The following SH3RF3 variants were observed in gnomAD, a reference collection of about 807,000 sequenced individuals.
The protein encoded by SH3RF3 is SH3 domain containing ring finger 3, also known as E3 ubiquitin-protein ligase SH3RF3.
A neutral mutation model predicts 66.3 loss-of-function variants in SH3RF3; 29 were observed. That is an observed-to-expected ratio of 0.44 (90% confidence interval 0.33 to 0.60). The LOEUF is 0.60. SH3RF3 is among the 20% of genes least tolerant of loss of function. SH3RF3 has a pLI of 0.04. For synonymous variants in SH3RF3, 583 were observed against 532.0 expected (o/e 1.10, Z -1.32); for missense variants, 1,194 against 1,190.9 (o/e 1.00, Z -0.04).
rs1332365360 is a variant in SH3RF3, at chr2:109,240,981, T to C, written c.574-106693T>C. 2.0e-5 allele frequency among the ~76,000 whole-genome samples: 3 copies of C among 151,678 alleles called. 1 individual carries two copies. The highest frequency in any genetic ancestry group is 7.3e-5 in the African/African-American group (3 of 41,260). ...TAATCCACATCCAAACAAGTCCACATCTCCCCAAAAACTCCATGCCTCCCT... is the reference window on the plus strand; with the variant it reads ...TAATCCACATCCAAACAAGTCCACACCTCCCCAAAAACTCCATGCCTCCCT... On this transcript the variant is annotated intron_variant, in intron 1 of 9. Transcript: ENST00000309415.
intron 1 of SH3RF3, among the ~76,000 whole-genome samples, chr2:109,145,487 C>A (rs1012848696): frequency 2.0e-5 from 3 of 152,186 alleles, no homozygotes; most frequent in Non-Finnish European, 2.9e-5. Flanking sequence ...ATGCCGCCTC[C>A]TTTCTCATCT....
intron 4 of SH3RF3, among the ~76,000 whole-genome samples, chr2:109,402,670 G>A (rs972479695): frequency 6.6e-6 from 1 of 152,212 alleles, no homozygotes; most frequent in African/African-American, 2.4e-5. Flanking sequence ...TGACTGACAG[G>A]ATGAATTCTT....
intron 1 of SH3RF3, among the ~76,000 whole-genome samples, chr2:109,307,519 C>T (rs1681626384): frequency 6.7e-6 from 1 of 148,584 alleles, no homozygotes; most frequent in Non-Finnish European, 1.5e-5. Context: ...GTGTGCTGCA[C>T]CCACTAACTC....
chr2:109,221,818 C>T (rs1679250840), intron 1 of SH3RF3, among the ~76,000 whole-genome samples: 1 of 152,024 alleles, frequency 6.6e-6, no homozygotes, highest in Non-Finnish European at 1.5e-5. Flanking sequence ...AAAACGAAAA[C>T]TAGAACTATC....
intron 3 of SH3RF3, among the ~76,000 whole-genome samples, chr2:109,372,543 C>T (rs969768138): frequency 1.3e-5 from 2 of 152,248 alleles, no homozygotes; most frequent in Admixed American, 6.5e-5. Context: ...TTCTCAGCAA[C>T]ACTGGCATAT....
At position 109,484,955 on chromosome 2, in the gene SH3RF3, G is replaced by A. The variant is rs147111432; in HGVS notation, c.2149-5650G>A. ...TGTACCTGGTGGAGTTAAAGTGTAC[G>A]ATTGTGTTCAATCCTTTATTCCCAA... On this transcript the variant is annotated intron_variant, in intron 8 of 9. Transcript: ENST00000309415. 4.1e-3 allele frequency among the ~76,000 whole-genome samples: 632 copies of A among 152,318 alleles called. 2 individuals carry two copies. Among genetic ancestry groups the A allele is most frequent in the African/African-American group, 0.013 (553 of 41,570 alleles).
At chr2:109,480,785 C>T (rs1443819926) in intron 8 of SH3RF3, among the ~76,000 whole-genome samples, 1 of 152,186 alleles carries the variant, frequency 6.6e-6, no homozygotes, top group Non-Finnish European at 1.5e-5. Context: ...GGCACAGGGA[C>T]CTGGGACATT....
chr2:109,292,370 A>G (rs1014537501), intron 1 of SH3RF3, among the ~76,000 whole-genome samples: 2 of 152,338 alleles, frequency 1.3e-5, no homozygotes, highest in East Asian at 3.9e-4. Context: ...TCATATAAAC[A>G]TGAAGTTTTG....
chr2:109,197,789 G>A (rs897165131), intron 1 of SH3RF3, among the ~76,000 whole-genome samples: 1 of 152,332 alleles, frequency 6.6e-6, no homozygotes, highest in African/African-American at 2.4e-5. Flanking sequence ...AGCCTGGCAT[G>A]AAATAGCAAA....
In SH3RF3 at chr2:109,161,040, G is replaced by A. The variant is rs1265758468; in HGVS notation, c.573+30927G>A. ...CTTGGATGTGAAGGCTGTGAGAGATGGAGAGGCAGAAGTAGGTGAGGGTGC... is the reference window on the plus strand; with the variant it reads ...CTTGGATGTGAAGGCTGTGAGAGATAGAGAGGCAGAAGTAGGTGAGGGTGC... On this transcript the variant is annotated intron_variant, in intron 1 of 9. Transcript: ENST00000309415. Among the ~76,000 whole-genome samples the A allele has an allele frequency of 2.6e-5, 4 of 152,274 alleles. No individual in the cohort carries two copies. In the South Asian group the frequency reaches 8.3e-4, roughly 32 times the overall value.
In SH3RF3 at chr2:109,484,026, T is replaced by C. The variant is rs557625957; in HGVS notation, c.2149-6579T>C. On this transcript the variant is annotated intron_variant, in intron 8 of 9. Coordinates refer to ENST00000309415, the MANE Select transcript of SH3RF3 (RefSeq NM_001099289.3). ...CACCAGACAACCCCAGCCTCCTCAG[T>C]TGGCCCTAGAGGCACCAAGGTGTGC... Among the ~76,000 whole-genome samples, 11 of 150,776 alleles carry C rather than the reference T, an allele frequency of 7.3e-5. No individual in the cohort carries two copies. In the South Asian group the frequency reaches 2.1e-3, roughly 29 times the overall value.
intron 5 of SH3RF3, among the ~76,000 whole-genome samples, chr2:109,421,962 C>A (rs1676894883): frequency 6.6e-6 from 1 of 152,208 alleles, no homozygotes; most frequent in South Asian, 2.1e-4. Context: ...ATTTTATCCC[C>A]AGAGAGGAAA....
At chr2:109,233,674 A>G (rs1302499724) in intron 1 of SH3RF3, among the ~76,000 whole-genome samples, 1 of 152,112 alleles carries the variant, frequency 6.6e-6, no homozygotes, top group Non-Finnish European at 1.5e-5. Context: ...TCACCACCAC[A>G]CTCAAGATGC....
chr2:109,484,118 G>C (rs1278037760), intron 8 of SH3RF3, among the ~76,000 whole-genome samples: 1 of 149,804 alleles, frequency 6.7e-6, no homozygotes, highest in Admixed American at 6.7e-5. Flanking sequence ...TCCTAGGCTG[G>C]AGTGCAGTGG....
Position 109,151,672 on chromosome 2 carries a change from G to A in SH3RF3, c.573+21559G>A, listed in dbSNP as rs117781031. On this transcript the variant is annotated intron_variant, in intron 1 of 9. Coordinates refer to ENST00000309415, the MANE Select transcript of SH3RF3 (RefSeq NM_001099289.3). ...CAGTACATCTGAGGTCACACTTCCC[G>A]GTTTCCAGGGCCCAGTAGGCATGTG... Among the ~76,000 whole-genome samples the A allele has an allele frequency of 7.8e-3, 1,194 of 152,330 alleles. 13 individuals carry two copies. Among genetic ancestry groups the A allele is most frequent in the East Asian group, 0.034 (174 of 5,190 alleles).
intron 8 of SH3RF3, among the ~76,000 whole-genome samples, chr2:109,489,495 G>T (rs973602363): frequency 6.6e-6 from 1 of 152,222 alleles, no homozygotes; most frequent in Admixed American, 6.5e-5. Context: ...CCACTTAGAA[G>T]AGCTGGGGGA....
At chr2:109,172,549 C>G (rs962780855) in intron 1 of SH3RF3, among the ~76,000 whole-genome samples, 1 of 152,196 alleles carries the variant, frequency 6.6e-6, no homozygotes, top group Non-Finnish European at 1.5e-5. Flanking sequence ...CGTCCTAGCT[C>G]TTGTTATTCC....
chr2:109,350,185 G>A (rs1482537869), intron 2 of SH3RF3, among the ~76,000 whole-genome samples: 3 of 152,192 alleles, frequency 2.0e-5, no homozygotes, highest in African/African-American at 4.8e-5. Flanking sequence ...GGCATGTGGG[G>A]TGGGGGTAGC....
intron 1 of SH3RF3, 134 bp from the exon 2 acceptor site, chr2:109,347,540 C>T (rs1357578527): frequency 1.6e-6 from 2 of 1,216,260 alleles, no homozygotes; most frequent in African/African-American, 3.1e-5. Context: ...AAATATTTTC[C>T]ACTTGCGGGG....
Sources: gnomAD v4.1 joint callset for allele counts (sites outside exome capture counted in the v4.1 genomes callset) on GRCh38, gnomAD v4.1.1 for gene constraint, MANE v1.5 for transcripts, NCBI Gene and HGNC (gene_info 2026-07-23, HGNC 2026-07-21) for gene names.